The following CCDC7 variants were observed in gnomAD, a reference collection of about 807,000 sequenced individuals.
CCDC7 encodes coiled-coil domain containing 7, also known as coiled-coil domain-containing protein 7.
CCDC7 carries 183 observed loss-of-function variants against 196.9 expected under a neutral mutation model. That is an observed-to-expected ratio of 0.93 (90% CI 0.82 to 1.05). The LOEUF is 1.05. CCDC7 is among the 50% of genes least tolerant of loss of function. The pLI, the probability that CCDC7 is intolerant of heterozygous loss-of-function variation, is 0.00. For missense variants in CCDC7, 1,540 were observed against 1,482.2 expected (o/e 1.04, Z -0.64); for synonymous variants, 525 against 484.6 (o/e 1.08, Z -1.10).
At chr10:32,707,469 C>G (rs11009045) in intron 24 of CCDC7, among the ~76,000 whole-genome samples, 1 of 151,948 alleles carries the variant, frequency 6.6e-6, no homozygotes, top group Admixed American at 6.6e-5. Context: ...AGTTCTGGCC[C>G]GGGCAATCAG....
intron 18 of CCDC7, among the ~76,000 whole-genome samples, chr10:32,633,091 A>C (rs553841214): frequency 6.6e-6 from 1 of 152,192 alleles, no homozygotes; most frequent in African/African-American, 2.4e-5. Context: ...ATTGCTAATG[A>C]TTGGGCATGA....
intron 18 of CCDC7, among the ~76,000 whole-genome samples, chr10:32,598,889 A>C (rs954700735): frequency 6.6e-6 from 1 of 152,100 alleles, no homozygotes; most frequent in African/African-American, 2.4e-5. Flanking sequence ...TATTTTGCTG[A>C]TGTTGGGTGG....
intron 41 of CCDC7, among the ~76,000 whole-genome samples, chr10:32,874,991 C>T (rs540287242): frequency 6.6e-6 from 1 of 151,948 alleles, no homozygotes; most frequent in African/African-American, 2.4e-5. Flanking sequence ...GATAGGGATC[C>T]AGTTTCATTC....
chr10:32,726,809 C>T, exon 26 of CCDC7: 1 of 1,594,348 alleles, frequency 6.3e-7, no homozygotes, highest in Non-Finnish European at 8.6e-7. Context: ...AAAAAAATAA[C>T]TCCTGGAAGG....
intron 18 of CCDC7, among the ~76,000 whole-genome samples, chr10:32,616,936 G>A (rs1590654982): frequency 6.6e-6 from 1 of 151,448 alleles, no homozygotes; most frequent in African/African-American, 2.4e-5. Context: ...TGTCCTTAAT[G>A]TTTATGTGAT....
intron 13 of CCDC7, among the ~76,000 whole-genome samples, chr10:32,560,287 G>C (rs1050679763): frequency 6.6e-6 from 1 of 152,138 alleles, no homozygotes; most frequent in Admixed American, 6.5e-5. Flanking sequence ...ATCTAGCAAG[G>C]CAGGCCAACA....
chr10:32,667,809 T>C (rs534775113), intron 21 of CCDC7, among the ~76,000 whole-genome samples: 1 of 152,294 alleles, frequency 6.6e-6, no homozygotes, highest in South Asian at 2.1e-4. Flanking sequence ...GCGTGATGCC[T>C]CCAGCTTTGT....
intron 13 of CCDC7, among the ~76,000 whole-genome samples, chr10:32,564,207 T>C (rs1407008897): frequency 1.3e-5 from 2 of 152,198 alleles, no homozygotes; most frequent in Non-Finnish European, 2.9e-5. Flanking sequence ...TTGGTGGGAC[T>C]GTAAACTAGT....
intron 31 of CCDC7, among the ~76,000 whole-genome samples, chr10:32,820,712 G>A (rs1412133774): frequency 6.6e-6 from 1 of 152,120 alleles, no homozygotes; most frequent in African/African-American, 2.4e-5. Context: ...ACAAGAAATG[G>A]GGAAAGGATT....
At chr10:32,554,562 CTT>C (rs1325465571) in intron 13 of CCDC7, among the ~76,000 whole-genome samples, 1 of 152,198 alleles carries the variant, frequency 6.6e-6, no homozygotes, top group Non-Finnish European at 1.5e-5. Flanking sequence ...AGGTCAGAAA[CTT>C]TTCCAACAAA....
chr10:32,825,583 T>G (rs2090997155), intron 32 of CCDC7, among the ~76,000 whole-genome samples: 1 of 152,182 alleles, frequency 6.6e-6, no homozygotes, highest in South Asian at 2.1e-4. Context: ...TAGAGAACCC[T>G]AACTGATACA....
chr10:32,610,963 G>A (rs989025525), intron 18 of CCDC7, among the ~76,000 whole-genome samples: 1 of 152,138 alleles, frequency 6.6e-6, no homozygotes, highest in Admixed American at 6.5e-5. Context: ...GGGTCAAATG[G>A]TATTTCTAGT....
chr10:32,450,403 A>G (rs1249665921), upstream of CCDC7, among the ~76,000 whole-genome samples: 2 of 152,202 alleles, frequency 1.3e-5, no homozygotes, highest in Admixed American at 6.5e-5. Context: ...GGTCACATTC[A>G]AAGTGCTGGG....
intron 14 of CCDC7, among the ~76,000 whole-genome samples, chr10:32,566,963 T>A (rs577965776): frequency 7.3e-6 from 1 of 137,556 alleles, no homozygotes; most frequent in East Asian, 2.1e-4. Context: ...GCAGGGTTTT[T>A]TATATATAAA....
chr10:32,633,726 G>T (rs1175017157), intron 18 of CCDC7, among the ~76,000 whole-genome samples: 1 of 140,794 alleles, frequency 7.1e-6, no homozygotes. Flanking sequence ...GTGTGTGTGT[G>T]TGTGTATATA....
At chr10:32,567,874 A>G (rs374085972) in exon 15 of CCDC7, 11 of 1,612,884 alleles carry the variant, frequency 6.8e-6, no homozygotes, top group Non-Finnish European at 8.5e-6. Flanking sequence ...AAGTGATAAA[A>G]TCCAAGAATA....
At chr10:32,652,165 G>C (rs1475981486) in intron 20 of CCDC7, among the ~76,000 whole-genome samples, 1 of 151,908 alleles carries the variant, frequency 6.6e-6, no homozygotes, top group Non-Finnish European at 1.5e-5. Context: ...ATAATATAAT[G>C]GCTTGATTTA....
Position 32,748,025 on chromosome 10 carries a change from T to A in CCDC7, c.2905+18568T>A, listed in dbSNP as rs533057553. On this transcript the variant is annotated intron_variant, in intron 28 of 41. Transcript: ENST00000639629. ...GGTACATATATATCATAGAATACTATGCAGCCATAAAAAGAATGAACTCAT... is the reference window on the plus strand; with the variant it reads ...GGTACATATATATCATAGAATACTAAGCAGCCATAAAAAGAATGAACTCAT... 1.8e-3 allele frequency among the ~76,000 whole-genome samples: 276 copies of A among 152,308 alleles called. 10 individuals are homozygous for A. The highest frequency in any genetic ancestry group is 0.016 in the Admixed American group (241 of 15,296).
intron 33 of CCDC7, among the ~76,000 whole-genome samples, chr10:32,836,082 AAATTTAGTT>A (rs1407050591): frequency 6.6e-6 from 1 of 152,116 alleles, no homozygotes; most frequent in Non-Finnish European, 1.5e-5. Context: ...TTACACAACT[AAATTTAGTT>A]CTGGAATAAC....
Sources: gnomAD v4.1 joint callset for allele counts (sites outside exome capture counted in the v4.1 genomes callset) on GRCh38, gnomAD v4.1.1 for gene constraint, MANE v1.5 for transcripts, NCBI Gene and HGNC (gene_info 2026-07-23, HGNC 2026-07-21) for gene names.